FRMPD2: variants seen among roughly 807,000 people sequenced by gnomAD.
FRMPD2 encodes FERM and PDZ domain containing 2, also known as FERM and PDZ domain-containing protein 2.
A neutral mutation model predicts 140.1 loss-of-function variants in FRMPD2; 96 were observed. The observed-to-expected ratio is 0.69, with a 90% CI of 0.58 to 0.81. The LOEUF is 0.81. Ranked by LOEUF, FRMPD2 falls within the 40% of genes least tolerant of loss-of-function variation. The pLI is 0.00. For synonymous variants in FRMPD2, 449 were observed against 547.6 expected (o/e 0.82, Z 2.52); for missense variants, 1,240 against 1,447.4 (o/e 0.86, Z 2.32).
At chr10:48,231,837 G>T (rs1324135510) in intron 10 of FRMPD2, among the ~76,000 whole-genome samples, 1 of 152,218 alleles carries the variant, frequency 6.6e-6, no homozygotes, top group Non-Finnish European at 1.5e-5. Flanking sequence ...ACATTTGCTT[G>T]TTTGTCTAAC....
At chr10:48,241,803 C>A (rs986440136) in intron 5 of FRMPD2, among the ~76,000 whole-genome samples, 1 of 152,160 alleles carries the variant, frequency 6.6e-6, no homozygotes, top group African/African-American at 2.4e-5. Flanking sequence ...CTGTGCAGAA[C>A]CTAGAGTTGA....
chr10:48,201,118 A>G (rs1839075040), intron 15 of FRMPD2, 110 bp downstream of exon 15: 1 of 720,192 alleles, frequency 1.4e-6, no homozygotes, highest in Non-Finnish European at 2.1e-6. Context: ...TATTAGAGAG[A>G]TTTACAACTC....
intron 20 of FRMPD2, among the ~76,000 whole-genome samples, chr10:48,181,884 T>TCTCACACACACACA (rs1838560029): frequency 7.4e-5 from 1 of 13,442 alleles, no homozygotes; most frequent in Non-Finnish European, 1.5e-4. Context: ...TATATGGCTC[T>TCTCACACACACACA]CATACACACA....
intron 11 of FRMPD2, 81 bp downstream of exon 11, chr10:48,223,042 C>G (rs991212117): frequency 1.2e-5 from 16 of 1,321,040 alleles, no homozygotes; most frequent in Non-Finnish European, 1.5e-5. Context: ...TTGCAAAGCA[C>G]TTGTCGATCC....
chr10:48,160,675 T>C (rs1479088506), intron 28 of FRMPD2, among the ~76,000 whole-genome samples: 1 of 131,160 alleles, frequency 7.6e-6, no homozygotes, highest in Non-Finnish European at 1.6e-5. Flanking sequence ...ATGCTCTTTT[T>C]GTTGAAGAGT....
chr10:48,174,054 A>C (rs1332375752), intron 24 of FRMPD2, among the ~76,000 whole-genome samples: 1 of 152,230 alleles, frequency 6.6e-6, no homozygotes. Flanking sequence ...CTCTGTTCTC[A>C]AGATAGGTCA....
At chr10:48,239,010 G>GTCTCTC (rs372321032) in intron 7 of FRMPD2, among the ~76,000 whole-genome samples, 4 of 150,162 alleles carry the variant, frequency 2.7e-5, no homozygotes, top group South Asian at 2.1e-4. Context: ...CTGTCTCTCT[G>GTCTCTC]TCTCTCTCTC....
chr10:48,258,893 T>G (rs1840532535), intron 1 of FRMPD2, among the ~76,000 whole-genome samples: 1 of 152,244 alleles, frequency 6.6e-6, no homozygotes, highest in African/African-American at 2.4e-5. Flanking sequence ...AATTATTGAA[T>G]TATTGCCAAA....
chr10:48,251,850 A>T, intron 1 of FRMPD2, 159 bp from the exon 2 acceptor site: 1 of 716,968 alleles, frequency 1.4e-6, no homozygotes. Context: ...GCACAGAGCC[A>T]AGCACACAGA....
chr10:48,206,703 A>G (rs1375951487), intron 14 of FRMPD2, 45 bp downstream of exon 14: 3 of 1,541,444 alleles, frequency 1.9e-6, no homozygotes, highest in African/African-American at 1.4e-5. Context: ...CAACAAATCA[A>G]AGGAAAATGA....
intron 13 of FRMPD2, among the ~76,000 whole-genome samples, chr10:48,208,635 T>G (rs1270367119): frequency 6.6e-6 from 1 of 152,242 alleles, no homozygotes; most frequent in Non-Finnish European, 1.5e-5. Context: ...CACTTAATGT[T>G]GTCAATGACA....
chr10:48,236,542 TG>T lies in FRMPD2; in HGVS notation c.932del (p.Pro311GlnfsTer12), dbSNP rs1168325581. The T allele has an allele frequency of 6.2e-7, 1 of 1,614,074 alleles. No individual in the cohort carries two copies. Among genetic ancestry groups the T allele is most frequent in the African/African-American group, 1.3e-5 (1 of 74,928 alleles). Reference sequence around the variant, plus strand: ...CCTCTCCAGCCAACAGGATGAACTCTGGCCTGGAAAACTGGAGGAAAACAGT... The same window carrying T: ...CCTCTCCAGCCAACAGGATGAACTCTGCCTGGAAAACTGGAGGAAAACAGT... ...FLQRRSKFSR[P>X]EFILLAGEAP... On this transcript the variant is annotated frameshift_variant, in exon 9 of 29. Transcript: ENST00000374201. LOFTEE classifies it high-confidence loss of function.
At chr10:48,198,816 G>A (rs1015474666) in intron 15 of FRMPD2, among the ~76,000 whole-genome samples, 2 of 152,062 alleles carry the variant, frequency 1.3e-5, no homozygotes, top group Non-Finnish European at 2.9e-5. Context: ...CTGTATTCCT[G>A]GGTATTTCAT....
intron 1 of FRMPD2, among the ~76,000 whole-genome samples, chr10:48,259,641 T>TGA (rs1840545356): frequency 6.6e-6 from 1 of 151,138 alleles, no homozygotes; most frequent in Non-Finnish European, 1.5e-5. Context: ...TGTAAGTGTG[T>TGA]GTGTGTGTGT....
chr10:48,241,600 C>A (rs1759570500), intron 5 of FRMPD2, among the ~76,000 whole-genome samples: 1 of 152,248 alleles, frequency 6.6e-6, no homozygotes, highest in South Asian at 2.1e-4. Context: ...GAATCCCTGT[C>A]TCTGGGTTAG....
rs1837787011 is a variant in FRMPD2 at position 48,156,760 on chromosome 10, A to G, written c.*562T>C. ...AAGACAGACTCGTCACATGGCAAGCAGAGTCGGTCAGACTTTGGACAAGTT... is the reference window on the plus strand; with the variant it reads ...AAGACAGACTCGTCACATGGCAAGCGGAGTCGGTCAGACTTTGGACAAGTT... On this transcript the variant is annotated 3_prime_UTR_variant, in exon 29 of 29. Transcript: ENST00000374201. 1 of 182,212 alleles carries G rather than the reference A, an allele frequency of 5.5e-6. No individual in the cohort carries two copies. The highest frequency in any genetic ancestry group is 2.5e-5 in the African/African-American group (1 of 40,336). The allele number at this position is 182,212 out of a possible 1,614,324, so 11.3% of individuals were successfully genotyped here.
chr10:48,201,830 A>T (rs1839093642), intron 14 of FRMPD2, among the ~76,000 whole-genome samples: 1 of 152,216 alleles, frequency 6.6e-6, no homozygotes, highest in African/African-American at 2.4e-5. Context: ...ATTTCTGGCT[A>T]TAATGTAGCA....
chr10:48,218,473 C>A (rs1316032810), intron 12 of FRMPD2, among the ~76,000 whole-genome samples: 1 of 152,162 alleles, frequency 6.6e-6, no homozygotes, highest in Non-Finnish European at 1.5e-5. Context: ...AAATGGGAAA[C>A]CATCCTTCCT....
chr10:48,245,007 G>A (rs1370888399), intron 3 of FRMPD2, among the ~76,000 whole-genome samples, 158 bp from the exon 4 acceptor site: 4 of 152,212 alleles, frequency 2.6e-5, no homozygotes, highest in East Asian at 3.9e-4. Flanking sequence ...CTCCTACTCC[G>A]GAGGCTAGAA....
Sources: gnomAD v4.1 joint callset for allele counts (sites outside exome capture counted in the v4.1 genomes callset) on GRCh38, gnomAD v4.1.1 for gene constraint, MANE v1.5 for transcripts, NCBI Gene and HGNC (gene_info 2026-07-23, HGNC 2026-07-21) for gene names.